The following FMNL2 variants were observed in gnomAD, a reference collection of about 807,000 sequenced individuals.
The protein encoded by FMNL2 is formin like 2.
A neutral mutation model predicts 130.2 loss-of-function variants in FMNL2; 51 were observed. That is an observed-to-expected ratio of 0.39 (90% CI 0.31 to 0.49). The LOEUF (loss-of-function observed/expected upper bound fraction) is 0.49, where lower values mean the gene tolerates loss of function less well. FMNL2 is among the 20% of genes least tolerant of loss of function. The pLI, the probability that FMNL2 is intolerant of heterozygous loss-of-function variation, is 0.85. For missense variants in FMNL2, 977 were observed against 1,316.2 expected (o/e 0.74, Z 3.99); for synonymous variants, 465 against 467.1 (o/e 1.00, Z 0.06).
intron 9 of FMNL2, among the ~76,000 whole-genome samples, chr2:152,599,437 T>TTTTTTTG (rs1553484499): frequency 7.6e-6 from 1 of 132,246 alleles, no homozygotes; most frequent in East Asian, 2.3e-4. Flanking sequence ...TTTTTTTTTT[T>TTTTTTTG]AGAGAGGTAG....
chr2:152,465,104 A>G (rs1689454632), intron 1 of FMNL2, among the ~76,000 whole-genome samples: 1 of 152,338 alleles, frequency 6.6e-6, no homozygotes, highest in African/African-American at 2.4e-5. Flanking sequence ...GTGCGATCTC[A>G]TAGCCCTGCG....
At chr2:152,419,866 T>G (rs1686819148) in intron 1 of FMNL2, among the ~76,000 whole-genome samples, 1 of 152,036 alleles carries the variant, frequency 6.6e-6, no homozygotes, top group South Asian at 2.1e-4. Flanking sequence ...TGGGAGAGAC[T>G]CCGATTGTAA....
chr2:152,597,994 T>C lies in FMNL2; in HGVS notation c.877-9345T>C, dbSNP rs147119845. 8.7e-3 allele frequency among the ~76,000 whole-genome samples: 1,318 copies of C among 152,258 alleles called. 18 individuals carry two copies. The highest frequency in any genetic ancestry group is 0.031 in the African/African-American group (1,271 of 41,534). On this transcript the variant is annotated intron_variant, in intron 9 of 25. Coordinates refer to ENST00000288670, the MANE Select transcript of FMNL2 (RefSeq NM_052905.4). The stretch of plus-strand genomic sequence containing the variant: ...GCATTTGCCTGTTGTTGGCCTGAGA[T>C]ATTTGGTCTATCCAAGAGTCCCTGT...
rs191407404 is a variant in FMNL2 at position 152,409,587 on chromosome 2, T to A, written c.117+73867T>A. 7.5e-3 allele frequency among the ~76,000 whole-genome samples: 1,143 copies of A among 152,302 alleles called. 20 individuals are homozygous for A. In the South Asian group the frequency reaches 0.082, roughly 11 times the overall value. On this transcript the variant is annotated intron_variant, in intron 1 of 25. Coordinates refer to ENST00000288670, the MANE Select transcript of FMNL2 (RefSeq NM_052905.4). ...GTTTCCCATTTGATATGGGATATAG[T>A]TGAGAGTTACATCAAATGGAGTTGC...
chr2:152,637,718 C>T, intron 23 of FMNL2, 44 bp downstream of exon 23: 1 of 1,547,770 alleles, frequency 6.5e-7, no homozygotes, highest in Non-Finnish European at 8.9e-7. Context: ...CAAGCAATTG[C>T]CCTCCTTGAG....
chr2:152,529,878 G>C (rs1693596088), intron 2 of FMNL2, among the ~76,000 whole-genome samples: 1 of 152,118 alleles, frequency 6.6e-6, no homozygotes, highest in Admixed American at 6.6e-5. Flanking sequence ...ATGCTGTTTG[G>C]TATTCGTTGC....
Position 152,615,784 on chromosome 2 carries a change from G to C in FMNL2, c.1212+784G>C, listed in dbSNP as rs1017092704. Among the ~76,000 whole-genome samples the C allele has an allele frequency of 6.4e-4, 97 of 152,262 alleles. 1 individual carries two copies. The highest frequency in any genetic ancestry group is 2.3e-3 in the African/African-American group (95 of 41,542). ...ACTTTCCTTGATTATGAAATGAAGT[G>C]TCTCCTTTTGGAGGATTATTATTTT... On this transcript the variant is annotated intron_variant, in intron 12 of 25. Coordinates refer to ENST00000288670, the MANE Select transcript of FMNL2 (RefSeq NM_052905.4).
intron 1 of FMNL2, among the ~76,000 whole-genome samples, chr2:152,396,642 C>T (rs1685409656): frequency 6.6e-6 from 1 of 152,170 alleles, no homozygotes; most frequent in African/African-American, 2.4e-5. Context: ...ATTTCTTTTT[C>T]TTATCCAGTT....
At chr2:152,602,932 C>T (rs1484513534) in intron 9 of FMNL2, among the ~76,000 whole-genome samples, 1 of 152,180 alleles carries the variant, frequency 6.6e-6, no homozygotes, top group Non-Finnish European at 1.5e-5. Context: ...TCACCCAGTG[C>T]GTGGGGGTGC....
chr2:152,469,853 G>A (rs573769322), intron 1 of FMNL2, among the ~76,000 whole-genome samples: 32 of 152,116 alleles, frequency 2.1e-4, no homozygotes, highest in Non-Finnish European at 2.2e-4. Context: ...GCATTATGCC[G>A]TCATAGAGAA....
At chr2:152,635,600 A>G (rs1399283237) in intron 21 of FMNL2, among the ~76,000 whole-genome samples, 4 of 152,256 alleles carry the variant, frequency 2.6e-5, no homozygotes, top group Non-Finnish European at 5.9e-5. Context: ...TTCAGCAAAT[A>G]CTGCAGTTAC....
chr2:152,633,099 CT>C (rs767574977), intron 21 of FMNL2, among the ~76,000 whole-genome samples: 682 of 140,388 alleles, frequency 4.9e-3, no homozygotes, highest in African/African-American at 5.2e-3. Flanking sequence ...CTGTGCTCTT[CT>C]TTTTTTTTTT....
intron 1 of FMNL2, among the ~76,000 whole-genome samples, chr2:152,380,784 C>T (rs1684418656): frequency 6.6e-6 from 1 of 152,160 alleles, no homozygotes; most frequent in African/African-American, 2.4e-5. Flanking sequence ...TTGTTTTATA[C>T]AGTGCCTGTT....
intron 9 of FMNL2, among the ~76,000 whole-genome samples, chr2:152,593,856 AGAGAGTGTGTGTGT>A (rs753356395): frequency 1.3e-4 from 14 of 104,976 alleles, no homozygotes; most frequent in Admixed American, 2.0e-4. Flanking sequence ...AGAGAGAGAG[AGAGAGTGTGTGTGT>A]GTGTGTGTGT....
At chr2:152,375,850 GCTCTCTCTCT>G (rs71394477) in intron 1 of FMNL2, among the ~76,000 whole-genome samples, 2 of 100,602 alleles carry the variant, frequency 2.0e-5, no homozygotes, top group Non-Finnish European at 3.8e-5. Flanking sequence ...AGCCATTGAA[GCTCTCTCTCT>G]CTCTCTCTCT....
At chr2:152,586,119 T>C (rs1448452587) in intron 9 of FMNL2, among the ~76,000 whole-genome samples, 1 of 152,174 alleles carries the variant, frequency 6.6e-6, no homozygotes, top group Non-Finnish European at 1.5e-5. Flanking sequence ...TGTATTCTCA[T>C]CTGCTTCTGT....
At chr2:152,586,241 A>T (rs941273115) in intron 9 of FMNL2, among the ~76,000 whole-genome samples, 1 of 152,112 alleles carries the variant, frequency 6.6e-6, no homozygotes, top group Non-Finnish European at 1.5e-5. Context: ...TGAATGAGTC[A>T]CTCGAGGCCA....
chr2:152,349,709 T>C (rs1197707743), intron 1 of FMNL2, among the ~76,000 whole-genome samples: 1 of 151,376 alleles, frequency 6.6e-6, no homozygotes, highest in Non-Finnish European at 1.5e-5. Context: ...TCAGTGTAGA[T>C]GTAGATATGC....
chr2:152,419,475 A>G (rs1686792519), intron 1 of FMNL2, among the ~76,000 whole-genome samples: 1 of 152,176 alleles, frequency 6.6e-6, no homozygotes, highest in African/African-American at 2.4e-5. Flanking sequence ...ACATGTTCTT[A>G]CATATGTGGG....
Sources: allele counts gnomAD v4.1 joint callset (sites outside exome capture counted in the v4.1 genomes callset), GRCh38; gene constraint gnomAD v4.1.1; transcripts MANE v1.5; gene names NCBI Gene and HGNC (gene_info 2026-07-23, HGNC 2026-07-21).